The following VPS13A variants were observed in gnomAD, a reference collection of about 807,000 sequenced individuals.
The protein encoded by VPS13A is intermembrane lipid transfer protein VPS13A.
VPS13A carries 264 observed loss-of-function variants against 390.9 expected under a neutral mutation model. That is an observed-to-expected ratio of 0.68 (90% CI 0.61 to 0.75). VPS13A has a LOEUF of 0.75. VPS13A is among the 30% of genes least tolerant of loss of function. The probability of loss-of-function intolerance (pLI) is 0.00; values close to 1 mark genes in which losing one functional copy is unlikely to be tolerated. For missense variants in VPS13A, 3,409 were observed against 3,733.9 expected (o/e 0.91, Z 2.27); for synonymous variants, 1,231 against 1,227.1 (o/e 1.00, Z -0.07).
intron 52 of VPS13A, among the ~76,000 whole-genome samples, chr9:77,349,221 C>A (rs551200199): frequency 6.6e-6 from 1 of 152,056 alleles, no homozygotes; most frequent in South Asian, 2.1e-4. Flanking sequence ...CCCTCCCTCC[C>A]TTTCTTCCTT....
At chr9:77,212,822 A>T in intron 7 of VPS13A, 147 bp from the exon 8 acceptor site, 1 of 829,746 alleles carries the variant, frequency 1.2e-6, no homozygotes, top group Non-Finnish European at 2.0e-6. Flanking sequence ...TACTGTGGTC[A>T]GTTAGTATTT....
intron 23 of VPS13A, among the ~76,000 whole-genome samples, chr9:77,260,840 T>A (rs1312729796): frequency 2.6e-5 from 4 of 152,136 alleles, no homozygotes; most frequent in Non-Finnish European, 5.9e-5. Context: ...AGTACACACA[T>A]GCACAAGAAC....
intron 3 of VPS13A, among the ~76,000 whole-genome samples, chr9:77,201,751 AAAG>A (rs1396362018): frequency 6.6e-6 from 1 of 152,168 alleles, no homozygotes; most frequent in Non-Finnish European, 1.5e-5. Flanking sequence ...TATATTGTGT[AAAG>A]AATAGGTTCT....
intron 1 of VPS13A, among the ~76,000 whole-genome samples, chr9:77,188,033 T>C (rs765702622): frequency 6.6e-6 from 1 of 152,216 alleles, no homozygotes; most frequent in Non-Finnish European, 1.5e-5. Context: ...GGTGGATCTT[T>C]CATGGCTTGG....
Position 77,417,536 on chromosome 9 carries a change from C to A in VPS13A, c.*1530C>A, listed in dbSNP as rs1338407916. On this transcript the variant is annotated 3_prime_UTR_variant, in exon 72 of 72. Coordinates refer to ENST00000360280, the MANE Select transcript of VPS13A (RefSeq NM_033305.3). ...ACATGAAAGTGTGTTTCCATGTTGA[C>A]CTTTGTTTAAAAAAAAAAAAAAGTG... 4 of 150,678 alleles carry A rather than the reference C, an allele frequency of 2.7e-5. No homozygotes were observed. The highest frequency in any genetic ancestry group is 9.8e-5 in the African/African-American group (4 of 40,758). The allele number at this position is 150,678 out of a possible 1,614,324, so 9.3% of individuals were successfully genotyped here.
intron 16 of VPS13A, 93 bp downstream of exon 16, chr9:77,227,578 A>G: frequency 2.0e-6 from 2 of 985,320 alleles, no homozygotes; most frequent in Non-Finnish European, 3.1e-6. Context: ...GCTGGACTGC[A>G]GTGGTGTGAT....
chr9:77,390,148 T>C (rs1833846408), intron 68 of VPS13A: 3 of 983,384 alleles, frequency 3.1e-6, no homozygotes, highest in Non-Finnish European at 3.6e-6. Flanking sequence ...TTTGAGTAAG[T>C]GGACAAGAAC....
At position 77,407,656 on chromosome 9, in the gene VPS13A, T is replaced by C. The variant is rs572773448; in HGVS notation, c.9474+49T>C. 6 of 1,356,510 alleles carry C rather than the reference T, an allele frequency of 4.4e-6. No homozygotes were observed. The South Asian group carries it at 6.0e-5, about 14-fold the overall frequency. The allele number at this position is 1,356,510 out of a possible 1,614,324, so 84.0% of individuals were successfully genotyped here. ...TAAATAGGAGCTGCTCACTTCAAAA[T>C]CATGTAAGTGGACTATTTTTTAATG... On this transcript the variant is annotated intron_variant, in intron 71 of 71. Coordinates refer to ENST00000360280, the MANE Select transcript of VPS13A (RefSeq NM_033305.3).
chr9:77,411,180 G>A (rs534354754), intron 71 of VPS13A, among the ~76,000 whole-genome samples: 1 of 152,234 alleles, frequency 6.6e-6, no homozygotes, highest in African/African-American at 2.4e-5. Flanking sequence ...ACCTGCTCCT[G>A]AATGACTACT....
At chr9:77,344,352 T>G (rs1238274881) in intron 51 of VPS13A, 71 bp downstream of exon 51, 1 of 1,497,020 alleles carries the variant, frequency 6.7e-7, no homozygotes, top group Non-Finnish European at 9.1e-7. Context: ...TTGTATTTAT[T>G]TTTTGTATCA....
chr9:77,323,134 A>G lies in VPS13A; in HGVS notation c.5898A>G (p.Val1966=), dbSNP rs1042736663. 5 of 1,613,428 alleles carry G rather than the reference A, an allele frequency of 3.1e-6. No homozygotes were observed. In the African/African-American group the frequency reaches 6.7e-5, roughly 22 times the overall value. ...LTKVGRRLYT[V]RHRESGVERS... is the part of the protein sequence containing the mutation. ...AAGTGGGACGACGTCTGTACACTGT[A>G]AGACACAGAGAGTCTGGCGTTGAAA... The change falls in exon 45 of 72, where the codon GTA becomes GTG. Residue 1966 remains valine, a synonymous_variant. Coordinates refer to ENST00000360280, the MANE Select transcript of VPS13A (RefSeq NM_033305.3).
At chr9:77,404,457 A>G (rs1019936611) in intron 69 of VPS13A, among the ~76,000 whole-genome samples, 3 of 152,156 alleles carry the variant, frequency 2.0e-5, no homozygotes, top group Non-Finnish European at 4.4e-5. Context: ...TTGTTTCTAG[A>G]CTTTTGTAAT....
Position 77,227,569 on chromosome 9 carries a change from C to T in VPS13A, c.1452+84C>T. ...ACAGGGTCTCACTCTGTTGCCCAGG[C>T]TGGACTGCAGTGGTGTGATCTCTGC... On this transcript the variant is annotated intron_variant, in intron 16 of 71. Transcript: ENST00000360280. 3 of 1,094,454 alleles carry T rather than the reference C, an allele frequency of 2.7e-6. No homozygotes were observed. The South Asian group carries it at 4.1e-5, about 15-fold the overall frequency. The allele number at this position is 1,094,454 out of a possible 1,614,324, so 67.8% of individuals were successfully genotyped here. A position where few individuals can be genotyped will look rare whatever the true frequency, so the allele number is the denominator to read the frequency against.
At chr9:77,275,741 C>G (rs1055952502) in intron 25 of VPS13A, 89 bp downstream of exon 25, 2 of 1,409,276 alleles carry the variant, frequency 1.4e-6, no homozygotes, top group African/African-American at 1.4e-5. Context: ...TTAAGAAGCA[C>G]TATCTTTTTC....
chr9:77,403,385 G>T, intron 69 of VPS13A, 64 bp downstream of exon 69: 1 of 1,327,458 alleles, frequency 7.5e-7, no homozygotes, highest in Non-Finnish European at 1.1e-6. Flanking sequence ...CTCATGAGGT[G>T]AAGATTTGTT....
At chr9:77,316,985 C>G (rs1829435097) in intron 39 of VPS13A, among the ~76,000 whole-genome samples, 1 of 152,010 alleles carries the variant, frequency 6.6e-6, no homozygotes, top group South Asian at 2.1e-4. Flanking sequence ...CCAGCGAATA[C>G]TTACAAAAAT....
chr9:77,214,907 G>A (rs1822768375), intron 10 of VPS13A, among the ~76,000 whole-genome samples: 1 of 152,110 alleles, frequency 6.6e-6, no homozygotes, highest in African/African-American at 2.4e-5. Context: ...GGGACTATGG[G>A]CACACACTGC....
At chr9:77,281,500 G>T (rs1053589172) in intron 27 of VPS13A, among the ~76,000 whole-genome samples, 7 of 151,988 alleles carry the variant, frequency 4.6e-5, no homozygotes, top group African/African-American at 1.7e-4. Flanking sequence ...GGACAATTCT[G>T]TCACAAATTT....
chr9:77,324,085 G>T (rs374577788), intron 45 of VPS13A, among the ~76,000 whole-genome samples: 1 of 151,740 alleles, frequency 6.6e-6, no homozygotes, highest in East Asian at 1.9e-4. Context: ...GATAAAATTG[G>T]CTTGTCCTTT....
Sources: allele counts gnomAD v4.1 joint callset (sites outside exome capture counted in the v4.1 genomes callset), GRCh38; gene constraint gnomAD v4.1.1; transcripts MANE v1.5; gene names NCBI Gene and HGNC (gene_info 2026-07-23, HGNC 2026-07-21).